TMEM200C: variants seen among roughly 807,000 people sequenced by gnomAD.
TMEM200C encodes the protein transmembrane protein 200C, also known as transmembrane protein TTMA.
For synonymous variants in TMEM200C, 462 were observed against 324.7 expected, an observed-to-expected ratio of 1.42 and a Z score of -4.55; for missense variants, 966 against 699.9, an observed-to-expected ratio of 1.38 and a Z score of -4.29.
exon 3 of TMEM200C, chr18:5,885,599 AG>A (rs2095164767): frequency 6.6e-6 from 1 of 152,218 alleles, no homozygotes; most frequent in South Asian, 2.1e-4. Flanking sequence ...GCACTAGCAC[AG>A]TGCTTTTCTG....
Position 5,891,060 on chromosome 18 carries a change from C to T in TMEM200C, c.1004G>A (p.Ser335Asn), listed in dbSNP as rs746079382. The stretch of plus-strand genomic sequence containing the variant: ...GGCGGTGGCAGCGGCGGCCCGGCGA[C>T]TGCCTGCCACGCCCGAGCGCTCGCG... The change falls in exon 3 of 3, where the codon AGT becomes AAT. Residue 335 changes from serine (S) to asparagine (N), a missense_variant. Coordinates refer to ENST00000581347, the Ensembl canonical transcript of TMEM200C. The surrounding 1 kb of genome is among the most constrained non-coding windows in gnomAD (Gnocchi z 4.7). The T allele has an allele frequency of 3.7e-6, 2 of 539,668 alleles. No individual in the cohort carries two copies. The highest frequency in any genetic ancestry group is 4.8e-5 in the South Asian group (2 of 41,702). 33.4% of individuals were successfully genotyped at this position (539,668 alleles called of 1,614,324 possible).
In TMEM200C at chr18:5,890,540, TGGCGAGGGGGA is replaced by T; in HGVS notation, c.1513_1523del (p.Ser505ThrfsTer21). The T allele has an allele frequency of 6.9e-7, 1 of 1,452,454 alleles. No individual in the cohort carries two copies. The highest frequency in any genetic ancestry group is 9.1e-7 in the Non-Finnish European group (1 of 1,101,094). The allele number at this position is 1,452,454 out of a possible 1,614,324, so 90.0% of individuals were successfully genotyped here. On this transcript the variant is annotated frameshift_variant, in exon 3 of 3. Transcript: ENST00000581347. LOFTEE classifies it low-confidence loss of function (END_TRUNC). ...GGGGCGAGCCCTCCAGCCGCAGGGG[TGGCGAGGGGGA>T]GGCGGCCTTGGCCAGAGGGCTGGAG...
chr18:5,884,133 G>A (rs2095163723), exon 3 of TMEM200C: 1 of 152,034 alleles, frequency 6.6e-6, no homozygotes, highest in East Asian at 1.9e-4. Flanking sequence ...ACTTATAAAG[G>A]AGACATCTAT....
intron 2 of TMEM200C, 110 bp from the exon 2 acceptor site, chr18:5,892,267 G>C: frequency 1.6e-6 from 1 of 610,098 alleles, no homozygotes; most frequent in Non-Finnish European, 2.9e-6. Flanking sequence ...CCCACCCCAG[G>C]GCCTTTATCC....
In TMEM200C at chr18:5,891,681, G is replaced by C. The variant is rs147907707; in HGVS notation, c.383C>G (p.Ala128Gly). ...TGGAGGCGTGCTCCTGGGCGCGCCCGCGGAACTGGAGTTGACACCCCCTGG... is the reference window on the plus strand; with the variant it reads ...TGGAGGCGTGCTCCTGGGCGCGCCCCCGGAACTGGAGTTGACACCCCCTGG... Residue 128 changes from alanine to glycine, a missense_variant, in exon 3 of 3, where the codon GCG (alanine) becomes GGG (glycine). Ala to Gly is a moderately conservative substitution (Grantham distance 60, BLOSUM62 0). Coordinates refer to ENST00000581347, the Ensembl canonical transcript of TMEM200C. This position sits in a 1 kb window ranked among gnomAD's most constrained non-coding sequence, Gnocchi z 4.7. 2,673 of 1,613,684 alleles carry C rather than the reference G, an allele frequency of 1.7e-3. 39 individuals are homozygous for C. The Admixed American group carries it at 0.022, about 13-fold the overall frequency.
intron 2 of TMEM200C, among the ~76,000 whole-genome samples, chr18:5,893,915 A>G (rs1283667523): frequency 8.0e-6 from 1 of 125,672 alleles, no homozygotes; most frequent in African/African-American, 4.1e-5. Flanking sequence ...TGAAACAAAC[A>G]AAAAAAAGAG....
chr18:5,882,526 G>C (rs1034644601), exon 3 of TMEM200C: 1 of 152,186 alleles, frequency 6.6e-6, no homozygotes, highest in African/African-American at 2.4e-5. Flanking sequence ...CATGGGATTT[G>C]AGGAACGAGG....
intron 2 of TMEM200C, among the ~76,000 whole-genome samples, chr18:5,892,621 GTCTC>G (rs1342392590): frequency 6.6e-6 from 1 of 152,206 alleles, no homozygotes; most frequent in Non-Finnish European, 1.5e-5. Context: ...GGAGTTTCAA[GTCTC>G]TCTAAGCTGG....
rs2095171657 is a variant in TMEM200C, at chr18:5,891,937, TCAC to T, written c.124_126del (p.Val42del). 1.2e-6 allele frequency: 2 copies of T among 1,613,926 alleles called. No individual in the cohort carries two copies. Among genetic ancestry groups the T allele is most frequent in the Non-Finnish European group, 1.7e-6 (2 of 1,179,880 alleles). ...ATGGAGCACAGCTTCAGCTTGCCTT[TCAC>T]CACCACCACGTCGTTCTTGCGCCTC... On this transcript the variant is annotated inframe_deletion, in exon 3 of 3. Coordinates refer to ENST00000581347, the Ensembl canonical transcript of TMEM200C. The surrounding 1 kb of genome is among the most constrained non-coding windows in gnomAD (Gnocchi z 4.7).
In TMEM200C at chr18:5,891,916, A is replaced by T; in HGVS notation, c.148T>A (p.Ser50Thr). 1.2e-6 allele frequency: 2 copies of T among 1,613,672 alleles called. No individual in the cohort carries two copies. The highest frequency in any genetic ancestry group is 3.3e-5 in the Admixed American group (2 of 60,026). The change falls in exon 3 of 3, where the codon TCC becomes ACC. Residue 50 changes from serine (S) to threonine (T), a missense_variant. Transcript: ENST00000581347. This position sits in a 1 kb window ranked among gnomAD's most constrained non-coding sequence, Gnocchi z 4.7. ...CAGAGGGCGATGAGCCCTGAGATGGAGCACAGCTTCAGCTTGCCTTTCACC... is the reference window on the plus strand; with the variant it reads ...CAGAGGGCGATGAGCCCTGAGATGGTGCACAGCTTCAGCTTGCCTTTCACC...
At position 5,891,563 on chromosome 18, in the gene TMEM200C, G is replaced by A; in HGVS notation, c.501C>T (p.Val167=). The stretch of plus-strand genomic sequence containing the variant: ...CGATGCCCATGATGAGGGGCCCGAA[G>A]ACCTTGAGCTTGTCAGAGTGCAGGT... Residue 167 remains valine, a synonymous_variant, in exon 3 of 3, where the codon GTC becomes GTT. Coordinates refer to ENST00000581347, the Ensembl canonical transcript of TMEM200C. This position sits in a 1 kb window ranked among gnomAD's most constrained non-coding sequence, Gnocchi z 4.7. The A allele has an allele frequency of 6.2e-7, 1 of 1,613,796 alleles. No individual in the cohort carries two copies. The highest frequency in any genetic ancestry group is 8.5e-7 in the Non-Finnish European group (1 of 1,179,824).
exon 3 of TMEM200C, chr18:5,883,626 T>G (rs2095163308): frequency 6.6e-6 from 1 of 152,166 alleles, no homozygotes; most frequent in Non-Finnish European, 1.5e-5. Flanking sequence ...TATTTATGTT[T>G]CCTGATATAA....
chr18:5,883,470 C>G (rs2095163190), exon 3 of TMEM200C: 1 of 152,004 alleles, frequency 6.6e-6, no homozygotes, highest in African/African-American at 2.4e-5. Flanking sequence ...GTTTAAAAAT[C>G]AAAAGGCATA....
In TMEM200C at chr18:5,891,565, C is replaced by T. The variant is rs375621721; in HGVS notation, c.499G>A (p.Val167Ile). 3.1e-4 allele frequency: 505 copies of T among 1,613,636 alleles called. No individual in the cohort carries two copies. The highest frequency in any genetic ancestry group is 4.0e-4 in the Non-Finnish European group (476 of 1,179,830). Reference sequence around the variant, plus strand: ...ATGCCCATGATGAGGGGCCCGAAGACCTTGAGCTTGTCAGAGTGCAGGTAG... The same window carrying T: ...ATGCCCATGATGAGGGGCCCGAAGATCTTGAGCTTGTCAGAGTGCAGGTAG... Residue 167 changes from valine to isoleucine, a missense_variant, in exon 3 of 3, where the codon GTC becomes ATC. By Grantham distance (29) the Val-to-Ile change is conservative. Transcript: ENST00000581347. This position sits in a 1 kb window ranked among gnomAD's most constrained non-coding sequence, Gnocchi z 4.7.
At chr18:5,890,052 A>G (rs2144444908) in exon 3 of TMEM200C, 1 of 744,822 alleles carries the variant, frequency 1.3e-6, no homozygotes, top group South Asian at 5.0e-5. Flanking sequence ...TGTGGACGCA[A>G]TTCAAGGATA....
chr18:5,891,901 T>A lies in TMEM200C; in HGVS notation c.163A>T (p.Ile55Phe), dbSNP rs745737158. The A allele has an allele frequency of 6.2e-7, 1 of 1,613,294 alleles. No individual in the cohort carries two copies. Residue 55 changes from isoleucine (I) to phenylalanine (F), a missense_variant, in exon 3 of 3, where the codon ATC becomes TTC. By Grantham distance (21) the Ile-to-Phe change is conservative. Transcript: ENST00000581347. The surrounding 1 kb of genome is among the most constrained non-coding windows in gnomAD (Gnocchi z 4.7). ...AGCACCAGGATCCCACAGAGGGCGA[T>A]GAGCCCTGAGATGGAGCACAGCTTC...
At chr18:5,890,757 C>A (rs994123581) in exon 3 of TMEM200C, 2 of 601,832 alleles carry the variant, frequency 3.3e-6, no homozygotes, top group South Asian at 1.8e-5. Flanking sequence ...CGGCTCCCGG[C>A]GCGCCCCGCG....
chr18:5,890,370 G>T (rs757391631), exon 3 of TMEM200C: 8 of 1,592,594 alleles, frequency 5.0e-6, no homozygotes, highest in Admixed American at 3.4e-5. Flanking sequence ...CAGAACGGGG[G>T]CGGCCACAGC....
At chr18:5,883,071 C>T (rs1027723151) in exon 3 of TMEM200C, 2 of 152,142 alleles carry the variant, frequency 1.3e-5, no homozygotes, top group South Asian at 2.1e-4. Flanking sequence ...ATAGATATAA[C>T]CTTATGGAAG....
Sources: gnomAD v4.1 joint callset for allele counts (sites outside exome capture counted in the v4.1 genomes callset) on GRCh38, gnomAD v4.1.1 for gene constraint, Gnocchi (gnomAD v3.1) non-coding constraint, MANE v1.5 for transcripts, NCBI Gene and HGNC (gene_info 2026-07-23, HGNC 2026-07-21) for gene names.